Variants in DENND1B observed in about 807,000 individuals in gnomAD.
The protein encoded by DENND1B is DENN domain containing 1B, also known as DENN domain-containing protein 1B.
A neutral mutation model predicts 90.1 loss-of-function variants in DENND1B; 59 were observed. The observed-to-expected ratio is 0.65, with a 90% CI of 0.53 to 0.81. DENND1B has a LOEUF of 0.81. Among genes scored for constraint, DENND1B ranks in the 40% least tolerant of loss-of-function variants. The pLI is 0.00. For synonymous variants in DENND1B, 337 were observed against 324.6 expected (o/e 1.04, Z -0.41); for missense variants, 862 against 912.6 (o/e 0.94, Z 0.71).
intron 12 of DENND1B, among the ~76,000 whole-genome samples, chr1:197,608,312 G>T (rs1676872131): frequency 6.6e-6 from 1 of 150,606 alleles, no homozygotes; most frequent in Non-Finnish European, 1.5e-5. Context: ...AATGTCTACA[G>T]TGAGGACAGA....
rs114332510 is a variant in DENND1B, at chr1:197,721,652, C to A, written c.83-6578G>T. On this transcript the variant is annotated intron_variant, in intron 2 of 22. Transcript: ENST00000620048. ...TATATTTATAAAAAATATAAATATT[C>A]TTTAAAATATGACAATAAATAATTT... Among the ~76,000 whole-genome samples, 812 of 151,934 alleles carry A rather than the reference C, an allele frequency of 5.3e-3. 9 individuals are homozygous for A. The highest frequency in any genetic ancestry group is 0.018 in the African/African-American group (756 of 41,470).
intron 12 of DENND1B, among the ~76,000 whole-genome samples, chr1:197,609,243 G>A (rs1676969431): frequency 1.3e-5 from 2 of 150,620 alleles, no homozygotes; most frequent in Non-Finnish European, 3.0e-5. Context: ...AGGTGGTGAA[G>A]TTAGTGAAGT....
chr1:197,728,638 C>T (rs942719194), intron 2 of DENND1B, among the ~76,000 whole-genome samples: 1 of 152,138 alleles, frequency 6.6e-6, no homozygotes, highest in Non-Finnish European at 1.5e-5. Context: ...CATTCCTCCT[C>T]TTCCATATTC....
At chr1:197,676,862 A>G (rs1176472671) in intron 3 of DENND1B, among the ~76,000 whole-genome samples, 1 of 152,134 alleles carries the variant, frequency 6.6e-6, no homozygotes, top group African/African-American at 2.4e-5. Context: ...TAAGCATTAC[A>G]ATGAAATTGA....
chr1:197,547,382 C>A (rs1471979536), intron 16 of DENND1B, among the ~76,000 whole-genome samples: 1 of 152,070 alleles, frequency 6.6e-6, no homozygotes, highest in Non-Finnish European at 1.5e-5. Context: ...GATGTATCAC[C>A]TTGCTCTTAC....
intron 18 of DENND1B, among the ~76,000 whole-genome samples, chr1:197,541,939 ACTAGTGTCAGTCT>A (rs1180492609): frequency 6.6e-6 from 1 of 152,186 alleles, no homozygotes; most frequent in Non-Finnish European, 1.5e-5. Context: ...AGTTGAAGCT[ACTAGTGTCAGTCT>A]CTTCCATGGT....
intron 13 of DENND1B, among the ~76,000 whole-genome samples, chr1:197,596,516 T>C (rs1174521257): frequency 6.6e-6 from 1 of 152,002 alleles, no homozygotes; most frequent in Non-Finnish European, 1.5e-5. Context: ...GAAAGAATGC[T>C]CACTTAACAG....
At chr1:197,735,561 T>G (rs775984913) in intron 2 of DENND1B, 8 of 1,614,014 alleles carry the variant, frequency 5.0e-6, no homozygotes, top group Non-Finnish European at 6.8e-6. Context: ...GTTCTTAGAC[T>G]TTTATGAATT....
At chr1:197,729,389 A>C (rs1661948324) in intron 2 of DENND1B, among the ~76,000 whole-genome samples, 1 of 152,124 alleles carries the variant, frequency 6.6e-6, no homozygotes, top group Admixed American at 6.6e-5. Flanking sequence ...TTATTTGCTT[A>C]TTTTAATGTG....
chr1:197,690,857 T>A (rs1236054208), intron 3 of DENND1B, among the ~76,000 whole-genome samples: 1 of 122,646 alleles, frequency 8.2e-6, no homozygotes, highest in African/African-American at 2.9e-5. Context: ...AATAATTACT[T>A]CTTAATGGAA....
At position 197,510,371 on chromosome 1, in the gene DENND1B, T is replaced by A. The variant is rs1338920499; in HGVS notation, c.*89A>T. ...CAAATGCAAAAAAAAATTTAAATAGTATGAGTTGCCATTCCTACAAATAAT... is the reference window on the plus strand; with the variant it reads ...CAAATGCAAAAAAAAATTTAAATAGAATGAGTTGCCATTCCTACAAATAAT... On this transcript the variant is annotated 3_prime_UTR_variant, in exon 23 of 23. Transcript: ENST00000620048. 7.1e-7 allele frequency: 1 copy of A among 1,403,962 alleles called. No individual in the cohort carries two copies. The highest frequency in any genetic ancestry group is 2.4e-5 in the East Asian group (1 of 41,304). The allele number at this position is 1,403,962 out of a possible 1,614,324, so 87.0% of individuals were successfully genotyped here.
intron 12 of DENND1B, among the ~76,000 whole-genome samples, chr1:197,610,211 C>A: frequency 6.6e-6 from 1 of 150,602 alleles, no homozygotes. Flanking sequence ...CTAATAATGG[C>A]TTCAAATATT....
intron 15 of DENND1B, among the ~76,000 whole-genome samples, chr1:197,568,600 T>C (rs1240870104): frequency 1.3e-5 from 2 of 152,062 alleles, no homozygotes; most frequent in African/African-American, 4.8e-5. Context: ...TCTCAAAATA[T>C]ACTATGAAGC....
At chr1:197,573,923 A>C (rs1673408410) in intron 15 of DENND1B, among the ~76,000 whole-genome samples, 1 of 152,208 alleles carries the variant, frequency 6.6e-6, no homozygotes, top group Non-Finnish European at 1.5e-5. Context: ...AAAAACTCGC[A>C]ATAAGGTATT....
intron 12 of DENND1B, among the ~76,000 whole-genome samples, chr1:197,610,730 T>G (rs1291919599): frequency 6.6e-6 from 1 of 150,904 alleles, no homozygotes; most frequent in Non-Finnish European, 1.5e-5. Context: ...TTTTATTTTA[T>G]GTAATTTATC....
intron 18 of DENND1B, among the ~76,000 whole-genome samples, chr1:197,544,008 A>G (rs1670532056): frequency 6.6e-6 from 1 of 152,198 alleles, no homozygotes; most frequent in Admixed American, 6.5e-5. Flanking sequence ...GAAATATAAA[A>G]TATCCGACCT....
At chr1:197,672,684 A>G (rs1349780497) in intron 4 of DENND1B, among the ~76,000 whole-genome samples, 1 of 152,018 alleles carries the variant, frequency 6.6e-6, no homozygotes, top group Non-Finnish European at 1.5e-5. Flanking sequence ...TTTTTCTAGA[A>G]TTCTCTTGTA....
At position 197,512,967 on chromosome 1, in the gene DENND1B, T is replaced by C. The variant is rs758679878; in HGVS notation, c.1516-14A>G. ...TTTTAAGCGTGCCTGGAGAGAGAGATTGACAATAAATTGGCATTAGCAGTT... is the reference window on the plus strand; with the variant it reads ...TTTTAAGCGTGCCTGGAGAGAGAGACTGACAATAAATTGGCATTAGCAGTT... On this transcript the variant is annotated splice_polypyrimidine_tract_variant and intron_variant, in intron 20 of 22. Coordinates refer to ENST00000620048, the MANE Select transcript of DENND1B (RefSeq NM_001195215.2). 1.3e-6 allele frequency: 2 copies of C among 1,599,904 alleles called. No homozygotes were observed. The highest frequency in any genetic ancestry group is 1.7e-6 in the Non-Finnish European group (2 of 1,173,748).
chr1:197,642,707 T>C lies in DENND1B; in HGVS notation c.672+4A>G. The C allele has an allele frequency of 6.2e-7, 1 of 1,608,198 alleles. No individual in the cohort carries two copies. Among genetic ancestry groups the C allele is most frequent in the South Asian group, 1.1e-5 (1 of 90,322 alleles). ...GCTACTTAAAAGAAGTGTGAAGTACTTACAGTGCTTAATTTGCTCGAGATA... is the reference window on the plus strand; with the variant it reads ...GCTACTTAAAAGAAGTGTGAAGTACCTACAGTGCTTAATTTGCTCGAGATA... On this transcript the variant is annotated splice_donor_region_variant and intron_variant, in intron 10 of 22. Coordinates refer to ENST00000620048, the MANE Select transcript of DENND1B (RefSeq NM_001195215.2).
Sources: allele counts gnomAD v4.1 joint callset (sites outside exome capture counted in the v4.1 genomes callset), GRCh38; gene constraint gnomAD v4.1.1; transcripts MANE v1.5; gene names NCBI Gene and HGNC (gene_info 2026-07-23, HGNC 2026-07-21).